SLC16A3: variants seen among roughly 807,000 people sequenced by gnomAD.
SLC16A3 encodes the protein monocarboxylate transporter 4.
Under a neutral mutation model 25.0 loss-of-function variants are expected in SLC16A3, and 22 were observed. That is an observed-to-expected ratio of 0.88 (90% confidence interval 0.63 to 1.26). SLC16A3 has a LOEUF of 1.26. SLC16A3 is among the 50% of genes most tolerant of loss of function. The pLI is 0.00. For missense variants in SLC16A3, 731 were observed against 666.6 expected, an observed-to-expected ratio of 1.10 and a Z score of -1.06; for synonymous variants, 390 against 309.2, an observed-to-expected ratio of 1.26 and a Z score of -2.74.
In SLC16A3 at chr17:82,237,703, G is replaced by C. The variant is rs770460671; in HGVS notation, c.933G>C (p.Ala311=). 3 of 1,612,676 alleles carry C rather than the reference G, an allele frequency of 1.9e-6. No individual in the cohort carries two copies. The highest frequency in any genetic ancestry group is 2.5e-6 in the Non-Finnish European group (3 of 1,179,778). Residue 311 remains alanine, a synonymous_variant, in exon 4 of 5, where the codon GCG becomes GCC. Coordinates refer to ENST00000582743, the MANE Select transcript of SLC16A3 (RefSeq NM_004207.4). ...TCTTCAACGGCCTCGCGGACCTGGC[G>C]GGTTCTACGGCGGGCGACTACGGCG... ...SMFFNGLADL[A]GSTAGDYGGL...
chr17:82,228,687 G>A (rs1217991698), upstream of SLC16A3: 1 of 152,372 alleles, frequency 6.6e-6, no homozygotes, highest in Non-Finnish European at 1.5e-5. Flanking sequence ...GAGGACGTTG[G>A]GACCTGCCGC....
chr17:82,232,711 G>A (rs571066962), intron 1 of SLC16A3, among the ~76,000 whole-genome samples: 1 of 152,280 alleles, frequency 6.6e-6, no homozygotes, highest in South Asian at 2.1e-4. Context: ...TGGCTTGGGA[G>A]GGCGCATGGC....
upstream of SLC16A3, among the ~76,000 whole-genome samples, chr17:82,227,451 C>T (rs1012582249): frequency 6.6e-6 from 1 of 152,032 alleles, no homozygotes; most frequent in South Asian, 2.1e-4. Flanking sequence ...ACGGTACCCT[C>T]GCCTCCCCGG....
At chr17:82,236,404 A>T (rs922016916) in intron 2 of SLC16A3, 173 bp downstream of exon 2, 58 of 682,072 alleles carry the variant, frequency 8.5e-5, no homozygotes, top group Non-Finnish European at 1.1e-4. Context: ...CACGGGGCCA[A>T]CCCAGGCAGG....
intron 1 of SLC16A3, among the ~76,000 whole-genome samples, chr17:82,218,816 C>T (rs1043652944): frequency 6.6e-6 from 1 of 152,106 alleles, no homozygotes; most frequent in Non-Finnish European, 1.5e-5. Flanking sequence ...TGGCTGTTCC[C>T]GAAGCCCGTC....
upstream of SLC16A3, among the ~76,000 whole-genome samples, chr17:82,224,954 C>A (rs2050413053): frequency 6.6e-6 from 1 of 152,186 alleles, no homozygotes; most frequent in Non-Finnish European, 1.5e-5. Context: ...TTCACCTCTG[C>A]CCCCTACCTG....
Position 82,237,662 on chromosome 17 carries a change from T to C in SLC16A3, c.892T>C (p.Phe298Leu). 1.2e-6 allele frequency: 2 copies of C among 1,613,058 alleles called. No homozygotes were observed. The highest frequency in any genetic ancestry group is 1.7e-6 in the Non-Finnish European group (2 of 1,179,924). Residue 298 changes from phenylalanine to leucine, a missense_variant, in exon 4 of 5, where the codon TTC (phenylalanine) becomes CTC (leucine). Phe to Leu is a conservative substitution (Grantham distance 22). Coordinates refer to ENST00000582743, the MANE Select transcript of SLC16A3 (RefSeq NM_004207.4). The stretch of plus-strand genomic sequence containing the variant: ...GGTGCGGCCCTACTCCGTCTACCTC[T>C]TCAGCTTCTCCATGTTCTTCAACGG... The part of the protein sequence containing the change: ...GKVRPYSVYL[F>L]SFSMFFNGLA...
intron 4 of SLC16A3, 91 bp from the exon 5 acceptor site, chr17:82,238,611 T>TGCTGAGAC: frequency 7.5e-7 from 1 of 1,333,836 alleles, no homozygotes; most frequent in Non-Finnish European, 1.0e-6. Flanking sequence ...GACCCTTGCG[T>TGCTGAGAC]GCTGAGACAC....
chr17:82,232,260 CG>C (rs2050509565), intron 1 of SLC16A3: 2 of 152,456 alleles, frequency 1.3e-5, no homozygotes, highest in Admixed American at 6.5e-5. Context: ...CCACGGGCCC[CG>C]GGCTCAGGCC....
Position 82,237,561 on chromosome 17 carries a change from C to T in SLC16A3, c.791C>T (p.Ala264Val), listed in dbSNP as rs1250010413. The change falls in exon 4 of 5, where the codon GCC (alanine) becomes GTC (valine). Residue 264 changes from alanine (A) to valine (V), a missense_variant. Transcript: ENST00000582743. ...KDLGVPDTKAAFLLTILGFID... is the reference protein window; with the variant it reads ...KDLGVPDTKAVFLLTILGFID... ...CTGGGCGTGCCCGACACCAAGGCCG[C>T]CTTCCTGCTCACCATCCTGGGCTTC... is the stretch of plus-strand genomic sequence containing the variant. 8 of 1,611,304 alleles carry T rather than the reference C, an allele frequency of 5.0e-6. No individual in the cohort carries two copies. Among genetic ancestry groups the T allele is most frequent in the Non-Finnish European group, 6.8e-6 (8 of 1,178,872 alleles).
Position 82,236,124 on chromosome 17 carries a change from CCAAGGCCGTCAGTGTCTTCTT to C in SLC16A3, c.122_142del (p.Ala41_Lys47del). ...ATCACTGGCTTCTCCTACGCCTTCC[CCAAGGCCGTCAGTGTCTTCTT>C]CAAGGAGCTCATACAGGAGTTTGGG... On this transcript the variant is annotated inframe_deletion, in exon 2 of 5. Transcript: ENST00000582743. 6.2e-7 allele frequency: 1 copy of C among 1,613,278 alleles called. No individual in the cohort carries two copies.
intron 1 of SLC16A3, chr17:82,229,363 G>T (rs1376103686): frequency 1.3e-5 from 2 of 152,152 alleles, no homozygotes; most frequent in African/African-American, 4.8e-5. Flanking sequence ...CCGGCCCGGC[G>T]CCCACCCGTC....
chr17:82,237,151 A>G lies in SLC16A3; in HGVS notation c.381A>G (p.Ala127=), dbSNP rs559177304. 2.7e-5 allele frequency: 41 copies of G among 1,508,492 alleles called. 1 individual carries two copies. The African/African-American group carries it at 5.4e-4, about 20-fold the overall frequency. The allele number at this position is 1,508,492 out of a possible 1,614,324, so 93.4% of individuals were successfully genotyped here. The change falls in exon 4 of 5, where the codon GCA becomes GCG. Residue 127 remains alanine (A), a synonymous_variant. Coordinates refer to ENST00000582743, the MANE Select transcript of SLC16A3 (RefSeq NM_004207.4). ...CCTTTCCTCCAGGGTTGGGTTTGGC[A>G]CTCAACTTCCAGCCCTCGCTCATCA... The part of the protein sequence containing the change: ...TTGVITGLGL[A]LNFQPSLIML...
chr17:82,224,891 G>C (rs78229664), upstream of SLC16A3, among the ~76,000 whole-genome samples: 3,533 of 152,266 alleles, frequency 0.023, 58 homozygotes, highest in South Asian at 0.074. Flanking sequence ...ACCACAGGCA[G>C]CAGTGTGGTG....
At chr17:82,223,195 T>C (rs2050399984) in intron 1 of SLC16A3, among the ~76,000 whole-genome samples, 1 of 149,272 alleles carries the variant, frequency 6.7e-6, no homozygotes, top group Admixed American at 6.6e-5. Context: ...TTATTATTAT[T>C]TCTGAGACGG....
At chr17:82,238,140 G>T (rs961605680) in intron 4 of SLC16A3, among the ~76,000 whole-genome samples, 5 of 152,188 alleles carry the variant, frequency 3.3e-5, no homozygotes, top group African/African-American at 7.2e-5. Flanking sequence ...CCCGGGGGGG[G>T]GCAGCTCCTC....
At chr17:82,231,137 C>G (rs2050487997) in intron 1 of SLC16A3, 3 of 152,088 alleles carry the variant, frequency 2.0e-5, no homozygotes, top group Admixed American at 2.0e-4. Context: ...CCCCACGTCC[C>G]GCGGCTGGCG....
At chr17:82,219,509 G>A (rs1205667530) in intron 1 of SLC16A3, among the ~76,000 whole-genome samples, 14 of 152,082 alleles carry the variant, frequency 9.2e-5, no homozygotes, top group Non-Finnish European at 1.8e-4. Context: ...CAGGCCAGAG[G>A]CCTCGCTCCC....
chr17:82,236,417 G>A (rs752472809), intron 2 of SLC16A3, 186 bp downstream of exon 2: 28 of 655,390 alleles, frequency 4.3e-5, no homozygotes, highest in Non-Finnish European at 6.3e-5. Flanking sequence ...CAGGCAGGGC[G>A]CGAAGTCCAT....
Sources: allele counts gnomAD v4.1 joint callset (sites outside exome capture counted in the v4.1 genomes callset), GRCh38; gene constraint gnomAD v4.1.1; transcripts MANE v1.5; gene names NCBI Gene and HGNC (gene_info 2026-07-23, HGNC 2026-07-21).